SH3BGRL2: variants seen among roughly 807,000 people sequenced by gnomAD.
SH3BGRL2 encodes the protein SH3 domain-binding glutamic acid-rich-like protein 2.
A neutral mutation model predicts 14.8 loss-of-function variants in SH3BGRL2; 21 were observed. The observed-to-expected ratio is 1.42, with a 90% confidence interval of 1.01 to 2.05. SH3BGRL2 has a LOEUF of 2.05. Ranked by LOEUF, SH3BGRL2 falls within the 30% of genes most tolerant of loss-of-function variation. The pLI, the probability that SH3BGRL2 is intolerant of heterozygous loss-of-function variation, is 0.00. For missense variants in SH3BGRL2, 147 were observed against 130.8 expected, an observed-to-expected ratio of 1.12 and a Z score of -0.61; for synonymous variants, 50 against 47.8, an observed-to-expected ratio of 1.05 and a Z score of -0.19.
At chr6:79,696,411 TTTG>T in intron 2 of SH3BGRL2, 71 bp from the exon 3 acceptor site, 1 of 1,125,990 alleles carries the variant, frequency 8.9e-7, no homozygotes, top group Non-Finnish European at 1.3e-6. Flanking sequence ...CCATAAAGAA[TTTG>T]TTCAAAGTAC....
chr6:79,628,300 G>T, upstream of SH3BGRL2, among the ~76,000 whole-genome samples: 1 of 148,056 alleles, frequency 6.8e-6, no homozygotes, highest in African/African-American at 2.5e-5. Flanking sequence ...AGAAACCACC[G>T]ATAGATTTCA....
chr6:79,631,758 GT>G (rs1768830837), intron 1 of SH3BGRL2, among the ~76,000 whole-genome samples: 1 of 152,234 alleles, frequency 6.6e-6, no homozygotes, highest in Non-Finnish European at 1.5e-5. Flanking sequence ...TGAAAATGGA[GT>G]CCGAGGGAAG....
At position 79,699,428 on chromosome 6, in the gene SH3BGRL2, G is replaced by C; in HGVS notation, c.313-70G>C. 6.1e-6 allele frequency: 9 copies of C among 1,486,720 alleles called. No homozygotes were observed. In the South Asian group the frequency reaches 1.3e-4, roughly 21 times the overall value. The allele number at this position is 1,486,720 out of a possible 1,614,324, so 92.1% of individuals were successfully genotyped here. On this transcript the variant is annotated intron_variant, in intron 3 of 3. Coordinates refer to ENST00000369838, the MANE Select transcript of SH3BGRL2 (RefSeq NM_031469.4). ...TGACATTTAAAAAACCCCTGCCAAG[G>C]GTGAATTTTCTTGTCGATGTAATGC...
intron 2 of SH3BGRL2, among the ~76,000 whole-genome samples, chr6:79,686,379 A>C (rs1308459069): frequency 6.6e-6 from 1 of 151,314 alleles, no homozygotes; most frequent in Non-Finnish European, 1.5e-5. Context: ...TTTTGGATGA[A>C]GTTTTACTCT....
intron 1 of SH3BGRL2, among the ~76,000 whole-genome samples, chr6:79,635,936 C>T (rs975300765): frequency 6.6e-6 from 1 of 152,116 alleles, no homozygotes; most frequent in African/African-American, 2.4e-5. Context: ...GTGAGGCTTC[C>T]CTGTGTAAGG....
chr6:79,694,914 C>A (rs544481543), intron 2 of SH3BGRL2, among the ~76,000 whole-genome samples: 3 of 152,184 alleles, frequency 2.0e-5, no homozygotes, highest in Admixed American at 6.5e-5. Context: ...TTTTTTTGAG[C>A]CATTCTCCGC....
the SH3BGRL2 span, among the ~76,000 whole-genome samples, chr6:79,555,919 T>A: frequency 6.6e-6 from 1 of 152,092 alleles, no homozygotes. Context: ...AACATAAAAA[T>A]AAAAATATAT....
chr6:79,675,138 TAA>T (rs1371643114), intron 2 of SH3BGRL2, among the ~76,000 whole-genome samples: 1 of 152,142 alleles, frequency 6.6e-6, no homozygotes, highest in Non-Finnish European at 1.5e-5. Context: ...AATAAAGCTA[TAA>T]GTCAAATAGT....
the SH3BGRL2 span, among the ~76,000 whole-genome samples, chr6:79,586,161 A>C: frequency 1.4e-5 from 2 of 142,760 alleles, no homozygotes; most frequent in East Asian, 2.1e-4. Flanking sequence ...GTGCCATTGC[A>C]CTCCAGCCTG....
rs759008383 is a variant in SH3BGRL2, at chr6:79,688,198, TA to T, written c.232-8274del. Among the ~76,000 whole-genome samples the T allele has an allele frequency of 6.0e-3, 846 of 141,352 alleles. 10 individuals are homozygous for T. Among genetic ancestry groups the T allele is most frequent in the African/African-American group, 0.019 (717 of 38,578 alleles). 92.7% of individuals were successfully genotyped at this position (141,352 alleles called of 152,430 possible). ...ACAGAAGTATAGGTGATGAGAGATT[TA>T]AAAAAAAAAAAACAAAAACAAAAAA... On this transcript the variant is annotated intron_variant, in intron 2 of 3. Coordinates refer to ENST00000369838, the MANE Select transcript of SH3BGRL2 (RefSeq NM_031469.4).
the SH3BGRL2 span, among the ~76,000 whole-genome samples, chr6:79,613,495 G>A: frequency 0.094 from 14,378 of 152,206 alleles, 841 homozygotes; most frequent in Non-Finnish European, 0.13. Flanking sequence ...ATACCTGATA[G>A]TATTCATACT....
At chr6:79,683,103 T>C (rs923122498) in intron 2 of SH3BGRL2, among the ~76,000 whole-genome samples, 1 of 152,070 alleles carries the variant, frequency 6.6e-6, no homozygotes, top group Non-Finnish European at 1.5e-5. Flanking sequence ...ATGTAAATGA[T>C]GAGTTGATGG....
chr6:79,628,982 AC>A (rs1768776757), upstream of SH3BGRL2, among the ~76,000 whole-genome samples: 1 of 152,110 alleles, frequency 6.6e-6, no homozygotes, highest in South Asian at 2.1e-4. Flanking sequence ...AGATTGGCAA[AC>A]TTTTTCTGTA....
rs189611037 is a variant in SH3BGRL2 at position 79,685,439 on chromosome 6, T to C, written c.232-11046T>C. ...CAGCTTCCCTCATTTCCCCAATATG[T>C]AGCCTTTTCATGAGGCTCTGCTTTG... On this transcript the variant is annotated intron_variant, in intron 2 of 3. Coordinates refer to ENST00000369838, the MANE Select transcript of SH3BGRL2 (RefSeq NM_031469.4). Among the ~76,000 whole-genome samples, 13 of 152,318 alleles carry C rather than the reference T, an allele frequency of 8.5e-5. No homozygotes were observed. In the East Asian group the frequency reaches 2.3e-3, roughly 27 times the overall value.
At chr6:79,671,001 A>G (rs1769760796) in intron 1 of SH3BGRL2, among the ~76,000 whole-genome samples, 1 of 152,116 alleles carries the variant, frequency 6.6e-6, no homozygotes. Context: ...GTTTGCGTAA[A>G]CATGATGTTG....
At chr6:79,604,336 C>T in the SH3BGRL2 span, among the ~76,000 whole-genome samples, 1 of 152,236 alleles carries the variant, frequency 6.6e-6, no homozygotes, top group Non-Finnish European at 1.5e-5. Context: ...CACTTTCTCA[C>T]CTCCAAACAC....
intron 1 of SH3BGRL2, among the ~76,000 whole-genome samples, chr6:79,637,276 A>C (rs1310117953): frequency 6.6e-6 from 1 of 152,210 alleles, no homozygotes; most frequent in East Asian, 1.9e-4. Flanking sequence ...AAATATAATC[A>C]AGGATATGAA....
At chr6:79,618,725 C>A in the SH3BGRL2 span, among the ~76,000 whole-genome samples, 1 of 151,704 alleles carries the variant, frequency 6.6e-6, no homozygotes, top group East Asian at 1.9e-4. Context: ...TCGAGACCAG[C>A]CTGACCAACA....
chr6:79,604,582 C>T, the SH3BGRL2 span, among the ~76,000 whole-genome samples: 1 of 152,188 alleles, frequency 6.6e-6, no homozygotes, highest in Non-Finnish European at 1.5e-5. Flanking sequence ...AGTACCTCCC[C>T]ATTTTTTCCC....
Sources: allele counts gnomAD v4.1 joint callset (sites outside exome capture counted in the v4.1 genomes callset), GRCh38; gene constraint gnomAD v4.1.1; transcripts MANE v1.5; gene names NCBI Gene and HGNC (gene_info 2026-07-23, HGNC 2026-07-21).